The following TRMT10A variants were observed in gnomAD, a reference collection of about 807,000 sequenced individuals.
TRMT10A encodes tRNA methyltransferase 10 homolog A.
Under a neutral mutation model 40.4 loss-of-function variants are expected in TRMT10A, and 37 were observed. That is an observed-to-expected ratio of 0.92 (90% CI 0.71 to 1.21). The LOEUF is 1.21. Ranked by LOEUF, TRMT10A falls within the 50% of genes most tolerant of loss-of-function variation. TRMT10A has a pLI of 0.00. For missense variants in TRMT10A, 388 were observed against 404.3 expected, an observed-to-expected ratio of 0.96 and a Z score of 0.35; for synonymous variants, 103 against 134.1, an observed-to-expected ratio of 0.77 and a Z score of 1.60.
At chr4:99,557,542 A>G (rs550851727) in intron 3 of TRMT10A, 126 bp from the exon 4 acceptor site, 1 of 683,844 alleles carries the variant, frequency 1.5e-6, no homozygotes, top group African/African-American at 1.9e-5. Context: ...TTAAATACAA[A>G]TGCATTCTGA....
At position 99,548,961 on chromosome 4, in the gene TRMT10A, C is replaced by CA. The variant is rs1273119857; in HGVS notation, c.*126dup. 4.3e-5 allele frequency: 42 copies of CA among 979,552 alleles called. No homozygotes were observed. The highest frequency in any genetic ancestry group is 3.4e-4 in the Middle Eastern group (1 of 2,908). The allele number at this position is 979,552 out of a possible 1,614,324, so 60.7% of individuals were successfully genotyped here. On this transcript the variant is annotated 3_prime_UTR_variant, in exon 8 of 8. Transcript: ENST00000394876. Reference sequence around the variant, plus strand: ...TTTTTTTTTTATTATTATTTAGGTCCAAAAAAAAGTTTTTAAAAATCACAA... The same window carrying CA: ...TTTTTTTTTTATTATTATTTAGGTCCAAAAAAAAAGTTTTTAAAAATCACAA...
rs1054182662 is a variant in TRMT10A, at chr4:99,548,426, A to G, written c.*662T>C. The G allele has an allele frequency of 1.3e-5, 2 of 152,180 alleles. No individual in the cohort carries two copies. The highest frequency in any genetic ancestry group is 2.9e-5 in the Non-Finnish European group (2 of 67,998). 9.4% of individuals were successfully genotyped at this position (152,180 alleles called of 1,614,324 possible). ...TTCAATTTTATAATTGAAGTAACTT[A>G]TCACCATTGTAAGAATTAAGAAAAT... On this transcript the variant is annotated 3_prime_UTR_variant, in exon 8 of 8. Transcript: ENST00000394876.
In TRMT10A at chr4:99,557,377, C is replaced by T. The variant is rs149241895; in HGVS notation, c.388G>A (p.Ala130Thr). 7.8e-5 allele frequency: 126 copies of T among 1,613,384 alleles called. 1 individual carries two copies. Among genetic ancestry groups the T allele is most frequent in the South Asian group, 4.9e-4 (45 of 91,036 alleles). ...GGATGCAGTGCCCGTCGGTTTTCTG[C>T]GTAACATCGTTGAATCTGCTTATGA... ...KLHKQIQRCY[A>T]ENRRALHPVQ... Residue 130 changes from alanine to threonine, a missense_variant, in exon 4 of 8, where the codon GCA becomes ACA. By Grantham distance (58) the Ala-to-Thr change is moderately conservative. Coordinates refer to ENST00000394876, the MANE Select transcript of TRMT10A (RefSeq NM_001134665.3).
At chr4:99,550,023 G>A (rs1009206841) in intron 7 of TRMT10A, among the ~76,000 whole-genome samples, 4 of 151,956 alleles carry the variant, frequency 2.6e-5, no homozygotes, top group Non-Finnish European at 5.9e-5. Flanking sequence ...CTAAAAACTC[G>A]GCTTAAAAAT....
chr4:99,550,454 T>A (rs1723915558), intron 7 of TRMT10A, among the ~76,000 whole-genome samples: 1 of 152,166 alleles, frequency 6.6e-6, no homozygotes. Flanking sequence ...TCTCTCAAAG[T>A]GCTAGGATTA....
chr4:99,555,756 G>A (rs1449388833), intron 5 of TRMT10A, among the ~76,000 whole-genome samples: 3 of 152,124 alleles, frequency 2.0e-5, no homozygotes, highest in Non-Finnish European at 4.4e-5. Flanking sequence ...ATAGCCACAT[G>A]TGGATAGTGG....
chr4:99,557,128 A>G (rs891084795), intron 4 of TRMT10A, among the ~76,000 whole-genome samples: 2 of 152,226 alleles, frequency 1.3e-5, no homozygotes, highest in Admixed American at 6.5e-5. Context: ...GCCAATTTGT[A>G]TAAGACTGAT....
intron 6 of TRMT10A, among the ~76,000 whole-genome samples, chr4:99,552,872 T>G (rs187380631): frequency 6.6e-6 from 1 of 151,770 alleles, no homozygotes; most frequent in Non-Finnish European, 1.5e-5. Flanking sequence ...TGTCAACTGA[T>G]GGTTTGCATA....
At chr4:99,557,103 A>G (rs778621685) in intron 4 of TRMT10A, among the ~76,000 whole-genome samples, 6 of 152,178 alleles carry the variant, frequency 3.9e-5, no homozygotes, top group African/African-American at 1.4e-4. Flanking sequence ...GATATCAACT[A>G]CAGGCAATGA....
chr4:99,553,735 T>C, intron 6 of TRMT10A, 50 bp downstream of exon 6: 1 of 1,534,558 alleles, frequency 6.5e-7, no homozygotes, highest in South Asian at 1.2e-5. Flanking sequence ...GAAATGGTGA[T>C]ATATCAATTT....
rs1723760958 is a variant in TRMT10A, at chr4:99,547,017, C to G, written c.*2071G>C. 1 of 151,854 alleles carries G rather than the reference C, an allele frequency of 6.6e-6. No individual in the cohort carries two copies. Among genetic ancestry groups the G allele is most frequent in the Non-Finnish European group, 1.5e-5 (1 of 67,998 alleles). 9.4% of individuals were successfully genotyped at this position (151,854 alleles called of 1,614,324 possible). A position where few individuals can be genotyped will look rare whatever the true frequency, so the allele number is the denominator to read the frequency against. On this transcript the variant is annotated 3_prime_UTR_variant, in exon 8 of 8. Coordinates refer to ENST00000394876, the MANE Select transcript of TRMT10A (RefSeq NM_001134665.3). ...CCAAAAGATATGTCAAATCCTAACACATGGTACCCTGTAAATGTGACCTTA... is the reference window on the plus strand; with the variant it reads ...CCAAAAGATATGTCAAATCCTAACAGATGGTACCCTGTAAATGTGACCTTA...
intron 7 of TRMT10A, among the ~76,000 whole-genome samples, chr4:99,550,395 G>A (rs574055136): frequency 2.6e-5 from 4 of 152,204 alleles, no homozygotes; most frequent in Admixed American, 2.0e-4. Context: ...TCACCACGTA[G>A]CCCAGGCTGT....
intron 7 of TRMT10A, 127 bp from the exon 8 acceptor site, chr4:99,549,483 CTCT>C: frequency 8.1e-7 from 1 of 1,235,610 alleles, no homozygotes; most frequent in Admixed American, 2.4e-5. Context: ...TTGTTCTTAG[CTCT>C]TCTTTCTATT....
At position 99,563,118 on chromosome 4, in the gene TRMT10A, G is replaced by A. The variant is rs565267650; in HGVS notation, c.-24+795C>T. 3.3e-5 allele frequency among the ~76,000 whole-genome samples: 5 copies of A among 152,370 alleles called. No individual in the cohort carries two copies. The South Asian group carries it at 1.0e-3, about 32-fold the overall frequency. On this transcript the variant is annotated intron_variant, in intron 1 of 7. Transcript: ENST00000394876. ...TTACAGACGTGAGTCACCGCGCCCG[G>A]CCAGGAATGCCCTTTTAAAAGACAT...
chr4:99,558,249 T>C, intron 2 of TRMT10A, 38 bp from the exon 3 acceptor site: 2 of 1,489,460 alleles, frequency 1.3e-6, no homozygotes, highest in Non-Finnish European at 9.1e-7. Context: ...TGTTATTGTG[T>C]ATTCAGTTAT....
Position 99,564,013 on chromosome 4 carries a change from C to T in TRMT10A, c.-124G>A. On this transcript the variant is annotated 5_prime_UTR_variant, in exon 1 of 8. Coordinates refer to ENST00000394876, the MANE Select transcript of TRMT10A (RefSeq NM_001134665.3). Reference sequence around the variant, plus strand: ...TTCCTTCCACAGAAACTTCAATTCCCAGAGGCAGGGGCGGTAGTTACGCAG... The same window carrying T: ...TTCCTTCCACAGAAACTTCAATTCCTAGAGGCAGGGGCGGTAGTTACGCAG... The T allele has an allele frequency of 6.7e-7, 1 of 1,490,714 alleles. No individual in the cohort carries two copies. Among genetic ancestry groups the T allele is most frequent in the Non-Finnish European group, 9.0e-7 (1 of 1,106,920 alleles). 92.3% of individuals were successfully genotyped at this position (1,490,714 alleles called of 1,614,324 possible).
chr4:99,554,559 A>G (rs1724087154), intron 5 of TRMT10A, among the ~76,000 whole-genome samples: 1 of 151,866 alleles, frequency 6.6e-6, no homozygotes, highest in African/African-American at 2.4e-5. Context: ...TGTCTCTACT[A>G]AAAATACAAA....
chr4:99,550,938 G>C lies in TRMT10A; in HGVS notation c.698C>G (p.Pro233Arg). Reference sequence around the variant, plus strand: ...ATTCATCTTCACAAAATTTCCAAGTGGGAGCTGTGCATGATTGATTCCATA... The same window carrying C: ...ATTCATCTTCACAAAATTTCCAAGTCGGAGCTGTGCATGATTGATTCCATA... ...SDYGINHAQL[P>R]LGNFVKMNSR... The change falls in exon 7 of 8, where the codon CCA becomes CGA. Residue 233 changes from proline (P) to arginine (R), a missense_variant. Transcript: ENST00000394876. 1 of 1,613,190 alleles carries C rather than the reference G, an allele frequency of 6.2e-7. No homozygotes were observed. Among genetic ancestry groups the C allele is most frequent in the East Asian group, 2.2e-5 (1 of 44,716 alleles).
chr4:99,560,247 G>A (rs1724336265), intron 1 of TRMT10A, among the ~76,000 whole-genome samples: 1 of 152,036 alleles, frequency 6.6e-6, no homozygotes, highest in Non-Finnish European at 1.5e-5. Flanking sequence ...GGAATAAGAA[G>A]TATAAGAACA....
Sources: allele counts gnomAD v4.1 joint callset (sites outside exome capture counted in the v4.1 genomes callset), GRCh38; gene constraint gnomAD v4.1.1; transcripts MANE v1.5; gene names NCBI Gene and HGNC (gene_info 2026-07-23, HGNC 2026-07-21).